The following ABAT variants were observed in gnomAD, a reference collection of about 807,000 sequenced individuals.
The protein encoded by ABAT is 4-aminobutyrate aminotransferase, also known as 4-aminobutyrate aminotransferase, mitochondrial.
In ABAT, 45 loss-of-function variants were observed where a neutral mutation model predicts 64.6. That is an observed-to-expected ratio of 0.70 (90% CI 0.55 to 0.89). The LOEUF (loss-of-function observed/expected upper bound fraction) is 0.89. Ranked by LOEUF, ABAT falls within the 40% of genes least tolerant of loss-of-function variation. The pLI is 0.00. For missense variants in ABAT, 633 were observed against 658.4 expected (o/e 0.96, Z 0.42); for synonymous variants, 297 against 250.5 (o/e 1.19, Z -1.75).
At chr16:8,716,079 G>A (rs148300440) in intron 1 of ABAT, among the ~76,000 whole-genome samples, 36 of 152,234 alleles carry the variant, frequency 2.4e-4, no homozygotes, top group Middle Eastern at 3.4e-3. Flanking sequence ...TTAGCTTTGC[G>A]CGTGGATTAT....
Position 8,764,047 on chromosome 16 carries a change from T to A in ABAT, c.367-22T>A. ...TGGGTCAGGCCCCCAGAAGTCACCA[T>A]TTGTCTCTTGCCCTTTTGCAGAGCA... On this transcript the variant is annotated intron_variant, in intron 6 of 15. Coordinates refer to ENST00000268251, the MANE Select transcript of ABAT (RefSeq NM_020686.6). This position sits in a 1 kb window ranked among gnomAD's most constrained non-coding sequence, Gnocchi z 4.2. The A allele has an allele frequency of 1.2e-6, 2 of 1,611,818 alleles. No individual in the cohort carries two copies. Among genetic ancestry groups the A allele is most frequent in the Non-Finnish European group, 1.7e-6 (2 of 1,178,152 alleles).
At chr16:8,699,650 C>T (rs2057776026) in intron 1 of ABAT, among the ~76,000 whole-genome samples, 1 of 151,604 alleles carries the variant, frequency 6.6e-6, no homozygotes, top group Admixed American at 6.6e-5. Flanking sequence ...CAACCTTGGC[C>T]TCCTGGGCTT....
Position 8,757,198 on chromosome 16 carries a change from C to T in ABAT, c.317-559C>T, listed in dbSNP as rs1289702811. On this transcript the variant is annotated intron_variant, in intron 5 of 15. Coordinates refer to ENST00000268251, the MANE Select transcript of ABAT (RefSeq NM_020686.6). ...ATTTATTTATTTATTTAAATAGAGT[C>T]TCACTGTCACCCAGGCTGGAGTGCA... 3 of 447,956 alleles carry T rather than the reference C, an allele frequency of 6.7e-6. No individual in the cohort carries two copies. The East Asian group carries it at 2.1e-4, about 32-fold the overall frequency. 27.7% of individuals were successfully genotyped at this position (447,956 alleles called of 1,614,324 possible). A position where few individuals can be genotyped will look rare whatever the true frequency, so the allele number is the denominator to read the frequency against.
chr16:8,758,545 C>T (rs149467649), intron 6 of ABAT, among the ~76,000 whole-genome samples: 1 of 152,236 alleles, frequency 6.6e-6, no homozygotes, highest in African/African-American at 2.4e-5. Flanking sequence ...GGGTTCAGAA[C>T]TCTCACACTG....
At position 8,783,894 on chromosome 16, in the gene ABAT, G is replaced by A. The variant is rs2060492498; in HGVS notation, c.*2464G>A. 1 of 152,184 alleles carries A rather than the reference G, an allele frequency of 6.6e-6. No homozygotes were observed. Among genetic ancestry groups the A allele is most frequent in the Non-Finnish European group, 1.5e-5 (1 of 68,032 alleles). The allele number at this position is 152,184 out of a possible 1,614,324, so 9.4% of individuals were successfully genotyped here. Reference sequence around the variant, plus strand: ...TATTATTTACTCCTTACCAAGGGAAGTTACTTCTTGTAAAAACTTTTAAGC... The same window carrying A: ...TATTATTTACTCCTTACCAAGGGAAATTACTTCTTGTAAAAACTTTTAAGC... On this transcript the variant is annotated 3_prime_UTR_variant, in exon 16 of 16. Coordinates refer to ENST00000268251, the MANE Select transcript of ABAT (RefSeq NM_020686.6).
At chr16:8,727,851 T>G (rs1042132103) in intron 1 of ABAT, among the ~76,000 whole-genome samples, 4 of 152,160 alleles carry the variant, frequency 2.6e-5, no homozygotes, top group Non-Finnish European at 5.9e-5. Context: ...GTAGGATCAC[T>G]TGAGCTCAAG....
chr16:8,675,188 G>A (rs1719292085), intron 1 of ABAT, among the ~76,000 whole-genome samples: 1 of 151,636 alleles, frequency 6.6e-6, no homozygotes, highest in South Asian at 2.1e-4. Flanking sequence ...ATAAGACAAG[G>A]AAATCCCGGA....
intron 1 of ABAT, among the ~76,000 whole-genome samples, chr16:8,685,064 T>G (rs1483437193): frequency 6.6e-6 from 1 of 151,968 alleles, no homozygotes; most frequent in Non-Finnish European, 1.5e-5. Context: ...GTGGACAGAT[T>G]GCTTGAGCTC....
At chr16:8,771,455 A>G (rs1273416) in intron 11 of ABAT, among the ~76,000 whole-genome samples, 131,828 of 148,776 alleles carry the variant, frequency 0.89, 58,744 homozygotes, top group East Asian at 1. Context: ...TGTACGGTTT[A>G]GGGTTTTTCT....
chr16:8,723,719 A>C (rs796736476), intron 1 of ABAT, among the ~76,000 whole-genome samples: 9 of 151,058 alleles, frequency 6.0e-5, no homozygotes, highest in African/African-American at 2.2e-4. Flanking sequence ...CCAATCTACA[A>C]ATCAGGAAAC....
intron 6 of ABAT, 124 bp from the exon 7 acceptor site, chr16:8,763,945 C>T (rs542937076): frequency 1.2e-5 from 10 of 809,144 alleles, no homozygotes; most frequent in Admixed American, 1.8e-5. Context: ...GCTGACAGAA[C>T]GTCATCATCC....
At chr16:8,679,730 TG>T (rs1169778867) in intron 1 of ABAT, among the ~76,000 whole-genome samples, 2 of 152,004 alleles carry the variant, frequency 1.3e-5, no homozygotes, top group African/African-American at 4.8e-5. Context: ...GAAAGGACAG[TG>T]GGGGCTCCTG....
intron 1 of ABAT, among the ~76,000 whole-genome samples, chr16:8,696,787 C>G (rs778819299): frequency 2.4e-4 from 36 of 152,120 alleles, no homozygotes; most frequent in South Asian, 2.1e-4. Flanking sequence ...ATTGGAGAAG[C>G]CTGGTCTTGG....
chr16:8,699,074 G>T (rs1209785855), intron 1 of ABAT, among the ~76,000 whole-genome samples: 2 of 152,176 alleles, frequency 1.3e-5, no homozygotes, highest in African/African-American at 4.8e-5. Context: ...GGGTCATATG[G>T]TGATTCTGTG....
At position 8,781,345 on chromosome 16, in the gene ABAT, G is replaced by A. The variant is rs1253731251; in HGVS notation, c.1418G>A (p.Arg473His). The A allele has an allele frequency of 3.7e-6, 6 of 1,614,102 alleles. No homozygotes were observed. Among genetic ancestry groups the A allele is most frequent in the Non-Finnish European group, 4.2e-6 (5 of 1,180,014 alleles). ...GGTGGCTGTGGTGACAAATCCATTC[G>A]TTTCCGTCCCACGCTGGTCTTCAGG... ...VLGGCGDKSI[R>H]FRPTLVFRDH... is the part of the protein sequence containing the mutation. Residue 473 changes from arginine to histidine, a missense_variant, in exon 16 of 16, where the codon CGT becomes CAT. By Grantham distance (29) the Arg-to-His change is conservative. Coordinates refer to ENST00000268251, the MANE Select transcript of ABAT (RefSeq NM_020686.6). The surrounding 1 kb of genome is among the most constrained non-coding windows in gnomAD (Gnocchi z 4.5).
intron 2 of ABAT, among the ~76,000 whole-genome samples, chr16:8,743,007 T>A (rs1185168240): frequency 4.0e-5 from 5 of 124,246 alleles, no homozygotes; most frequent in Non-Finnish European, 6.5e-5. Context: ...CTCATTTCTT[T>A]AAAAAAAAAA....
chr16:8,776,287 G>A lies in ABAT; in HGVS notation c.1123-57G>A. ...AGGAGGCGGGGCGCCTGGGGTAAGT[G>A]ACTCCTGCAGGGTGTGCATGTGTGT... is the stretch of plus-strand genomic sequence containing the variant. On this transcript the variant is annotated intron_variant, in intron 13 of 15. Transcript: ENST00000268251. This position sits in a 1 kb window ranked among gnomAD's most constrained non-coding sequence, Gnocchi z 4.4. 6.2e-7 allele frequency: 1 copy of A among 1,613,014 alleles called. No individual in the cohort carries two copies. The highest frequency in any genetic ancestry group is 1.3e-5 in the African/African-American group (1 of 75,038).
intron 1 of ABAT, among the ~76,000 whole-genome samples, chr16:8,692,510 C>A (rs940899846): frequency 6.6e-6 from 1 of 152,214 alleles, no homozygotes; most frequent in Non-Finnish European, 1.5e-5. Context: ...CAGGACATTT[C>A]CAGTACTGCA....
At chr16:8,690,514 A>G (rs868644250) in intron 1 of ABAT, among the ~76,000 whole-genome samples, 8 of 152,170 alleles carry the variant, frequency 5.3e-5, no homozygotes, top group Admixed American at 1.3e-4. Context: ...CAAAATATAG[A>G]GTGAGTCATA....
Sources: allele counts gnomAD v4.1 joint callset (sites outside exome capture counted in the v4.1 genomes callset), GRCh38; gene constraint gnomAD v4.1.1; non-coding constraint Gnocchi (gnomAD v3.1); transcripts MANE v1.5; gene names NCBI Gene and HGNC (gene_info 2026-07-23, HGNC 2026-07-21).